Variants in CEP170 observed in about 807,000 individuals in gnomAD.
The protein encoded by CEP170 is centrosomal protein 170.
CEP170 carries 21 observed loss-of-function variants against 151.9 expected under a neutral mutation model. The ratio of observed to expected loss-of-function variants is 0.14; its 90% CI spans 0.10 to 0.20. The LOEUF (loss-of-function observed/expected upper bound fraction) is 0.20, where lower values mean the gene tolerates loss of function less well. CEP170 is among the 10% of genes least tolerant of loss of function. CEP170 has a pLI of 1.00. For synonymous variants in CEP170, 356 were observed against 648.8 expected, an observed-to-expected ratio of 0.55 and a Z score of 6.86; for missense variants, 964 against 1,892.9, an observed-to-expected ratio of 0.51 and a Z score of 9.11.
At position 243,126,455 on chromosome 1, in the gene CEP170, T is replaced by C. The variant is rs1228707878; in HGVS notation, c.4749A>G (p.Gln1583=). ...PDGEEEDVTV[Q]E ...TTCAACAATCAAGAGAAAGTCATTC[T>C]TGTACTGTAACATCTTCCTCTTCCC... Residue 1583 remains glutamine, a synonymous_variant, in exon 20 of 20, where the codon CAA becomes CAG. Transcript: ENST00000366542. 4 of 1,606,868 alleles carry C rather than the reference T, an allele frequency of 2.5e-6. No homozygotes were observed. Among genetic ancestry groups the C allele is most frequent in the Non-Finnish European group, 3.4e-6 (4 of 1,176,046 alleles).
chr1:243,228,564 G>A (rs559264483), intron 1 of CEP170, among the ~76,000 whole-genome samples: 1 of 152,108 alleles, frequency 6.6e-6, no homozygotes, highest in African/African-American at 2.4e-5. Flanking sequence ...TATTTTCAGG[G>A]GACGATTTTA....
rs537507069 is a variant in CEP170, at chr1:243,137,541, C to T, written c.4231-1310G>A. 2.6e-5 allele frequency among the ~76,000 whole-genome samples: 4 copies of T among 152,202 alleles called. No individual in the cohort carries two copies. In the East Asian group the frequency reaches 7.7e-4, roughly 29 times the overall value. ...CCTGTAATCCCAGCACTTTGGGAGGCTGGGGTGGGTGGATCACGAGGTCAG... is the reference window on the plus strand; with the variant it reads ...CCTGTAATCCCAGCACTTTGGGAGGTTGGGGTGGGTGGATCACGAGGTCAG... On this transcript the variant is annotated intron_variant, in intron 16 of 19. Transcript: ENST00000366542.
intron 1 of CEP170, among the ~76,000 whole-genome samples, chr1:243,248,976 T>TA (rs751827072): frequency 1.3e-5 from 2 of 152,208 alleles, no homozygotes; most frequent in Non-Finnish European, 2.9e-5. Flanking sequence ...GATGCTTCCT[T>TA]ACCTAATGCA....
intron 10 of CEP170, among the ~76,000 whole-genome samples, chr1:243,181,911 ATT>A (rs1350184694): frequency 1.3e-5 from 2 of 151,736 alleles, no homozygotes; most frequent in Non-Finnish European, 2.9e-5. Flanking sequence ...CACCCTATAC[ATT>A]TTCTCTGATT....
At chr1:243,134,634 A>C (rs1205168172) in intron 17 of CEP170, among the ~76,000 whole-genome samples, 3 of 150,356 alleles carry the variant, frequency 2.0e-5, no homozygotes, top group Admixed American at 6.6e-5. Flanking sequence ...AATAACTGGG[A>C]CTATAGGCAT....
chr1:243,180,876 T>C (rs946113966), intron 10 of CEP170, among the ~76,000 whole-genome samples: 1 of 152,188 alleles, frequency 6.6e-6, no homozygotes, highest in Non-Finnish European at 1.5e-5. Context: ...CCAGGCCCTA[T>C]GAGGGAAGAA....
intron 4 of CEP170, among the ~76,000 whole-genome samples, chr1:243,204,234 T>C (rs1201114412): frequency 6.6e-6 from 1 of 152,154 alleles, no homozygotes; most frequent in Non-Finnish European, 1.5e-5. Context: ...AGTTCTTAAT[T>C]TTTGCTTACA....
chr1:243,200,736 G>A (rs2060974214), intron 5 of CEP170, 41 bp downstream of exon 5: 1 of 1,609,398 alleles, frequency 6.2e-7, no homozygotes, highest in African/African-American at 1.3e-5. Context: ...CAACCATAGT[G>A]AAGAGTAGAT....
intron 3 of CEP170, among the ~76,000 whole-genome samples, chr1:243,213,846 G>A (rs1194474629): frequency 2.6e-5 from 4 of 152,062 alleles, no homozygotes; most frequent in Non-Finnish European, 4.4e-5. Flanking sequence ...CTCAGTAGCT[G>A]GGACTAGAGG....
At chr1:243,217,210 C>T (rs1313792409) in intron 3 of CEP170, among the ~76,000 whole-genome samples, 3 of 152,066 alleles carry the variant, frequency 2.0e-5, no homozygotes, top group Non-Finnish European at 2.9e-5. Flanking sequence ...TTATGGGATG[C>T]ATGACTCTAA....
intron 14 of CEP170, 78 bp from the exon 15 acceptor site, chr1:243,142,541 G>A: frequency 2.8e-5 from 40 of 1,453,586 alleles, no homozygotes; most frequent in Non-Finnish European, 3.6e-5. Flanking sequence ...GAGATAATCA[G>A]TCATGTAAGT....
chr1:243,218,481 C>G (rs371876204), intron 3 of CEP170, among the ~76,000 whole-genome samples: 1 of 152,186 alleles, frequency 6.6e-6, no homozygotes, highest in Admixed American at 6.5e-5. Flanking sequence ...GCAACGGAAC[C>G]GACTGTAGCT....
At chr1:243,130,274 G>A (rs953949412) in intron 17 of CEP170, among the ~76,000 whole-genome samples, 2 of 152,120 alleles carry the variant, frequency 1.3e-5, no homozygotes, top group Admixed American at 1.3e-4. Flanking sequence ...AGAAAAGTGT[G>A]TATATTATTT....
At chr1:243,237,701 G>A (rs927334446) in intron 1 of CEP170, among the ~76,000 whole-genome samples, 1 of 152,100 alleles carries the variant, frequency 6.6e-6, no homozygotes, top group Admixed American at 6.5e-5. Flanking sequence ...TCAGGAGTTC[G>A]AGACCAACCT....
chr1:243,224,501 T>A (rs1173469747), intron 2 of CEP170, among the ~76,000 whole-genome samples: 1 of 152,046 alleles, frequency 6.6e-6, no homozygotes, highest in African/African-American at 2.4e-5. Flanking sequence ...TTTAAGCAAG[T>A]TTATGAATTT....
At chr1:243,184,910 T>A (rs1316745475) in intron 10 of CEP170, among the ~76,000 whole-genome samples, 1 of 152,108 alleles carries the variant, frequency 6.6e-6, no homozygotes, top group African/African-American at 2.4e-5. Flanking sequence ...CCAAGTAATA[T>A]TTATGCTGCT....
chr1:243,254,911 C>G (rs1377001888), intron 1 of CEP170, 129 bp downstream of exon 1: 1 of 152,120 alleles, frequency 6.6e-6, no homozygotes, highest in Non-Finnish European at 1.5e-5. Context: ...GGTCCAGCCC[C>G]GCACCCCCGC....
At chr1:243,241,128 C>T (rs2064796348) in intron 1 of CEP170, among the ~76,000 whole-genome samples, 1 of 152,128 alleles carries the variant, frequency 6.6e-6, no homozygotes, top group African/African-American at 2.4e-5. Flanking sequence ...GAGGGTGCCT[C>T]CGAACATAAA....
chr1:243,235,454 T>C (rs921539160), intron 1 of CEP170, among the ~76,000 whole-genome samples: 18 of 152,208 alleles, frequency 1.2e-4, no homozygotes, highest in African/African-American at 4.1e-4. Flanking sequence ...AGCTGTGCTT[T>C]TTTTGGATAC....
Sources: allele counts gnomAD v4.1 joint callset (sites outside exome capture counted in the v4.1 genomes callset), GRCh38; gene constraint gnomAD v4.1.1; transcripts MANE v1.5; gene names NCBI Gene and HGNC (gene_info 2026-07-23, HGNC 2026-07-21).